The following KAT6A variants were observed in gnomAD, a reference collection of about 807,000 sequenced individuals.
KAT6A encodes histone acetyltransferase KAT6A.
KAT6A carries 9 observed loss-of-function variants against 198.4 expected under a neutral mutation model. The observed-to-expected ratio is 0.05, with a 90% CI of 0.03 to 0.08. The LOEUF (loss-of-function observed/expected upper bound fraction) is 0.08. Ranked by LOEUF, KAT6A falls within the 10% of genes least tolerant of loss-of-function variation. KAT6A has a pLI of 1.00. For synonymous variants in KAT6A, 890 were observed against 883.0 expected (o/e 1.01, Z -0.14); for missense variants, 2,077 against 2,509.9 (o/e 0.83, Z 3.69).
rs1029454251 is a variant in KAT6A at position 41,981,906 on chromosome 8, T to C, written c.758A>G (p.Lys253Arg). 6.2e-7 allele frequency: 1 copy of C among 1,614,068 alleles called. No individual in the cohort carries two copies. Among genetic ancestry groups the C allele is most frequent in the Non-Finnish European group, 8.5e-7 (1 of 1,179,954 alleles). Residue 253 changes from lysine to arginine, a missense_variant, in exon 4 of 17, where the codon AAG becomes AGG. Coordinates refer to ENST00000265713, the MANE Select transcript of KAT6A (RefSeq NM_006766.5). ...KFSPELTVRV[K>R]ALRWQCIECK... ...CTCGATGCACTGCCACCGTAAGGCC[T>C]TCACTCGAACCGTTAGTTCAGGGGA...
Position 41,933,782 on chromosome 8 carries a change from T to C in KAT6A, c.4438A>G (p.Asn1480Asp). ...MVEDCHASEH[N>D]SPISSVQSHP... The stretch of plus-strand genomic sequence containing the variant: ...GACTGAACGGAGGAGATAGGGCTAT[T>C]ATGTTCTGACGCATGACAGTCTTCA... Residue 1480 changes from asparagine to aspartate, a missense_variant, in exon 17 of 17, where the codon AAT (asparagine) becomes GAT (aspartate). Physicochemically the swap from Asn to Asp is conservative, Grantham distance 23 (BLOSUM62 1). Around this residue, in one of 13 missense-constraint regions of KAT6A, gnomAD observed 178 missense variants for 220.8 expected, o/e 0.81. Coordinates refer to ENST00000265713, the MANE Select transcript of KAT6A (RefSeq NM_006766.5). The surrounding 1 kb of genome is among the most constrained non-coding windows in gnomAD (Gnocchi z 6.2). 6.2e-7 allele frequency: 1 copy of C among 1,614,016 alleles called. No homozygotes were observed. Among genetic ancestry groups the C allele is most frequent in the Non-Finnish European group, 8.5e-7 (1 of 1,180,004 alleles).
chr8:42,031,954 G>A (rs2150922321), intron 2 of KAT6A, among the ~76,000 whole-genome samples: 1 of 150,410 alleles, frequency 6.6e-6, no homozygotes, highest in South Asian at 2.1e-4. Context: ...TTTTGAGACG[G>A]AGTCTCACTC....
intron 8 of KAT6A, chr8:41,957,324 T>C: frequency 1.8e-6 from 1 of 554,640 alleles, no homozygotes; most frequent in East Asian, 4.2e-5. Context: ...ACAGCAAGGG[T>C]GTTTCCTTTT....
At position 41,932,430 on chromosome 8, in the gene KAT6A, G is replaced by T; in HGVS notation, c.5790C>A (p.Pro1930=). 6.2e-7 allele frequency: 1 copy of T among 1,614,240 alleles called. No homozygotes were observed. The highest frequency in any genetic ancestry group is 2.2e-5 in the East Asian group (1 of 44,890). The change falls in exon 17 of 17, where the codon CCC becomes CCA. Residue 1930 remains proline, a synonymous_variant. Coordinates refer to ENST00000265713, the MANE Select transcript of KAT6A (RefSeq NM_006766.5). ...NAMNSYRMTQ[P]MMNSSYHSNP... ...TACTATGGTAACTGCTGTTCATCAT[G>T]GGCTGTGTCATTCGATAGCTGTTCA...
intron 2 of KAT6A, among the ~76,000 whole-genome samples, chr8:42,044,034 A>C (rs1173447034): frequency 6.6e-6 from 1 of 151,828 alleles, no homozygotes; most frequent in Admixed American, 6.6e-5. Flanking sequence ...TAATAAATAA[A>C]CTCACCATTA....
intron 1 of KAT6A, among the ~76,000 whole-genome samples, chr8:42,050,923 G>T (rs889776830): frequency 6.6e-6 from 1 of 152,132 alleles, no homozygotes; most frequent in African/African-American, 2.4e-5. Flanking sequence ...TAGAGCGAGC[G>T]CAACTCGCTT....
intron 1 of KAT6A, among the ~76,000 whole-genome samples, chr8:42,050,762 G>A (rs1025374365): frequency 1.3e-5 from 2 of 152,126 alleles, no homozygotes; most frequent in Non-Finnish European, 2.9e-5. Flanking sequence ...AGCTGGGAAC[G>A]AACGTCCTAA....
At chr8:41,942,662 A>C in intron 14 of KAT6A, 131 bp downstream of exon 14, 2 of 1,046,122 alleles carry the variant, frequency 1.9e-6, no homozygotes, top group Non-Finnish European at 2.7e-6. Context: ...CTACCACTGA[A>C]ATAAAACTCT....
intron 2 of KAT6A, among the ~76,000 whole-genome samples, chr8:42,009,262 G>A (rs2150907344): frequency 6.6e-6 from 1 of 152,092 alleles, no homozygotes; most frequent in Non-Finnish European, 1.5e-5. Context: ...AAAAGAACAG[G>A]AACCATAAAG....
At chr8:41,996,670 C>G (rs1403945480) in intron 2 of KAT6A, among the ~76,000 whole-genome samples, 1 of 152,182 alleles carries the variant, frequency 6.6e-6, no homozygotes, top group Non-Finnish European at 1.5e-5. Flanking sequence ...GTCTTGCGTG[C>G]TCGCTTCTGT....
At chr8:42,008,686 C>T (rs1825864749) in intron 2 of KAT6A, among the ~76,000 whole-genome samples, 1 of 151,976 alleles carries the variant, frequency 6.6e-6, no homozygotes, top group African/African-American at 2.4e-5. Flanking sequence ...AAGAACAGTG[C>T]CATCTAGTAG....
chr8:42,041,285 A>C (rs1827656477), intron 2 of KAT6A, among the ~76,000 whole-genome samples: 1 of 152,188 alleles, frequency 6.6e-6, no homozygotes, highest in South Asian at 2.1e-4. Context: ...AAATTTCTGA[A>C]TTTTTGAAGA....
chr8:41,939,447 T>C (rs1015658742), intron 15 of KAT6A, among the ~76,000 whole-genome samples: 3 of 152,142 alleles, frequency 2.0e-5, no homozygotes, highest in Non-Finnish European at 2.9e-5. Flanking sequence ...GGTACAATCA[T>C]TGTGCACTAC....
Position 41,939,293 on chromosome 8 carries a change from A to AT in KAT6A, c.3039+1548dup, listed in dbSNP as rs1821992938. Reference sequence around the variant, plus strand: ...AAGAAAAGTAGAAACCTGACAAACAATATCTTAAGCCAGGTCATCAAAGTT... The same window carrying AT: ...AAGAAAAGTAGAAACCTGACAAACAATTATCTTAAGCCAGGTCATCAAAGTT... On this transcript the variant is annotated intron_variant, in intron 15 of 16. Transcript: ENST00000265713. Among the ~76,000 whole-genome samples the AT allele has an allele frequency of 2.0e-5, 3 of 152,174 alleles. 1 individual carries two copies. Among genetic ancestry groups the AT allele is most frequent in the East Asian group, 1.9e-4 (1 of 5,202 alleles).
rs1293955842 is a variant in KAT6A at position 41,951,884 on chromosome 8, A to T, written c.1599-2521T>A. Among the ~76,000 whole-genome samples the T allele has an allele frequency of 4.6e-5, 7 of 152,356 alleles. No individual in the cohort carries two copies. In the East Asian group the frequency reaches 1.3e-3, roughly 29 times the overall value. On this transcript the variant is annotated intron_variant, in intron 9 of 16. Transcript: ENST00000265713. ...TTATGGTACAAGTCAAGTGAGATCAACCTAGATACACATGCTACATGGAGC... is the reference window on the plus strand; with the variant it reads ...TTATGGTACAAGTCAAGTGAGATCATCCTAGATACACATGCTACATGGAGC...
chr8:41,942,357 GGT>G, intron 14 of KAT6A: 1 of 240,984 alleles, frequency 4.1e-6, no homozygotes, highest in Non-Finnish European at 8.2e-6. Flanking sequence ...ATATTTCCCT[GGT>G]TGTCCTGAAC....
chr8:41,947,973 G>T, intron 10 of KAT6A, 61 bp from the exon 11 acceptor site: 1 of 1,339,328 alleles, frequency 7.5e-7, no homozygotes, highest in Non-Finnish European at 1.0e-6. Context: ...AGAATAATAT[G>T]TATCAGTTAA....
chr8:42,037,196 T>C (rs1371426703), intron 2 of KAT6A, among the ~76,000 whole-genome samples: 1 of 152,182 alleles, frequency 6.6e-6, no homozygotes, highest in Non-Finnish European at 1.5e-5. Context: ...AATGCTAAAG[T>C]GAATTTAGTG....
At position 41,932,596 on chromosome 8, in the gene KAT6A, T is replaced by C; in HGVS notation, c.5624A>G (p.Tyr1875Cys). Residue 1875 changes from tyrosine (Y) to cysteine (C), a missense_variant, in exon 17 of 17, where the codon TAT becomes TGT. Physicochemically the swap from Tyr to Cys is radical, Grantham distance 194 (BLOSUM62 -2). Around this residue, in one of 13 missense-constraint regions of KAT6A, gnomAD observed 500 missense variants for 577.2 expected, o/e 0.87. Coordinates refer to ENST00000265713, the MANE Select transcript of KAT6A (RefSeq NM_006766.5). ...GGCAACTGCCGATGGGCTACGGCCATACAGCTGCTGCTGGTGAGCAGCCGC... is the reference window on the plus strand; with the variant it reads ...GGCAACTGCCGATGGGCTACGGCCACACAGCTGCTGCTGGTGAGCAGCCGC... Reference protein sequence around the residue: ...PSAAAHQQQLYGRSPSAVAMQ... With the variant: ...PSAAAHQQQLCGRSPSAVAMQ... The C allele has an allele frequency of 6.2e-7, 1 of 1,614,130 alleles. No homozygotes were observed. The highest frequency in any genetic ancestry group is 8.5e-7 in the Non-Finnish European group (1 of 1,179,940).
Sources: allele counts gnomAD v4.1 joint callset (sites outside exome capture counted in the v4.1 genomes callset), GRCh38; gene constraint gnomAD v4.1.1; regional missense constraint gnomAD v4.1.1; non-coding constraint Gnocchi (gnomAD v3.1); transcripts MANE v1.5; gene names NCBI Gene and HGNC (gene_info 2026-07-23, HGNC 2026-07-21).